The following SNTG1 variants were observed in gnomAD, a reference collection of about 807,000 sequenced individuals.
SNTG1 encodes syntrophin gamma 1.
SNTG1 carries 39 observed loss-of-function variants against 74.7 expected under a neutral mutation model. That is an observed-to-expected ratio of 0.52 (90% CI 0.40 to 0.68). The LOEUF (loss-of-function observed/expected upper bound fraction) is 0.68. Among genes scored for constraint, SNTG1 ranks in the 30% least tolerant of loss-of-function variants. The pLI, the probability that SNTG1 is intolerant of heterozygous loss-of-function variation, is 0.00. For synonymous variants in SNTG1, 254 were observed against 217.1 expected, an observed-to-expected ratio of 1.17 and a Z score of -1.49; for missense variants, 685 against 609.5, an observed-to-expected ratio of 1.12 and a Z score of -1.30.
intron 2 of SNTG1, among the ~76,000 whole-genome samples, chr8:50,346,692 C>A (rs2091487922): frequency 6.6e-6 from 1 of 152,256 alleles, no homozygotes; most frequent in South Asian, 2.1e-4. Flanking sequence ...ATTAAAAATA[C>A]TTCTCCAGTG....
intron 9 of SNTG1, 31 bp downstream of exon 9, chr8:50,502,911 C>T (rs371337787): frequency 4.9e-5 from 73 of 1,491,094 alleles, no homozygotes; most frequent in Admixed American, 1.0e-4. Flanking sequence ...GATAAAAGTG[C>T]TCACATCATT....
intron 1 of SNTG1, among the ~76,000 whole-genome samples, chr8:50,002,417 G>A (rs1473922172): frequency 6.6e-6 from 1 of 151,988 alleles, no homozygotes; most frequent in African/African-American, 2.4e-5. Context: ...AATATTGCCT[G>A]TTTTTCTGTG....
intron 1 of SNTG1, among the ~76,000 whole-genome samples, chr8:49,994,009 T>C (rs1391717061): frequency 6.6e-6 from 1 of 152,176 alleles, no homozygotes; most frequent in East Asian, 1.9e-4. Flanking sequence ...TTTAACCTTC[T>C]AGTCCCTCAG....
At chr8:50,571,194 C>T (rs1308024181) in intron 12 of SNTG1, among the ~76,000 whole-genome samples, 1 of 152,182 alleles carries the variant, frequency 6.6e-6, no homozygotes, top group Admixed American at 6.5e-5. Flanking sequence ...AACTATGACC[C>T]TGCACAGGGG....
At chr8:50,387,917 T>G in intron 2 of SNTG1, among the ~76,000 whole-genome samples, 1 of 152,248 alleles carries the variant, frequency 6.6e-6, no homozygotes, top group Admixed American at 6.5e-5. Flanking sequence ...TCAGCAGAAC[T>G]TAGGGGTTCA....
intron 12 of SNTG1, among the ~76,000 whole-genome samples, chr8:50,580,113 G>C (rs545327742): frequency 4.5e-4 from 69 of 152,374 alleles, no homozygotes; most frequent in African/African-American, 1.6e-3. Flanking sequence ...GCATGACTTG[G>C]ATGTGAGACA....
Position 50,062,823 on chromosome 8 carries a change from T to C in SNTG1, c.-102-109738T>C, listed in dbSNP as rs1003019667. Reference sequence around the variant, plus strand: ...TTCCAAATATTTTAAGCATTTCATATATTTTGTATTTTATTTCCATACATA... The same window carrying C: ...TTCCAAATATTTTAAGCATTTCATACATTTTGTATTTTATTTCCATACATA... On this transcript the variant is annotated intron_variant, in intron 1 of 18. Transcript: ENST00000642720. Among the ~76,000 whole-genome samples the C allele has an allele frequency of 4.6e-5, 7 of 152,386 alleles. No homozygotes were observed. In the East Asian group the frequency reaches 1.3e-3, roughly 29 times the overall value.
intron 2 of SNTG1, among the ~76,000 whole-genome samples, chr8:50,323,789 G>A (rs1205286604): frequency 6.6e-6 from 1 of 152,128 alleles, no homozygotes; most frequent in African/African-American, 2.4e-5. Context: ...TCTTCAGGGT[G>A]GCAAGATCCC....
intron 2 of SNTG1, among the ~76,000 whole-genome samples, chr8:50,193,337 T>C (rs1428653584): frequency 1.3e-5 from 2 of 152,158 alleles, no homozygotes; most frequent in Non-Finnish European, 2.9e-5. Context: ...AGCAGTGTTT[T>C]GTAGTTTTCC....
chr8:50,149,161 A>C (rs1180741689), intron 1 of SNTG1, among the ~76,000 whole-genome samples: 1 of 152,078 alleles, frequency 6.6e-6, no homozygotes, highest in Non-Finnish European at 1.5e-5. Flanking sequence ...GCATTTTTTC[A>C]TGTGTCTGTT....
upstream of SNTG1, chr8:49,910,995 T>C (rs961745899): frequency 2.6e-5 from 4 of 152,266 alleles, no homozygotes; most frequent in Admixed American, 6.5e-5. Context: ...CGCCGGATCC[T>C]CTGAGAGGCT....
At chr8:50,164,943 A>C (rs996851950) in intron 1 of SNTG1, among the ~76,000 whole-genome samples, 1 of 152,150 alleles carries the variant, frequency 6.6e-6, no homozygotes. Flanking sequence ...AGGTTTTTAA[A>C]TTTGCTTTCA....
intron 13 of SNTG1, among the ~76,000 whole-genome samples, chr8:50,627,809 C>T (rs1165510225): frequency 6.6e-6 from 1 of 152,200 alleles, no homozygotes; most frequent in African/African-American, 2.4e-5. Flanking sequence ...TCCATGTCTC[C>T]TTCAGGAACA....
chr8:50,685,321 C>A (rs1230406194), intron 15 of SNTG1, among the ~76,000 whole-genome samples: 2 of 152,120 alleles, frequency 1.3e-5, no homozygotes, highest in Non-Finnish European at 2.9e-5. Context: ...ATTTAAACTA[C>A]CAGTCCTCCA....
chr8:50,114,934 G>A (rs529315359), intron 1 of SNTG1, among the ~76,000 whole-genome samples: 8 of 152,170 alleles, frequency 5.3e-5, no homozygotes, highest in African/African-American at 1.7e-4. Context: ...GTAGCAATTA[G>A]TTTGATTGTG....
At chr8:50,678,258 C>T (rs187881234) in intron 15 of SNTG1, among the ~76,000 whole-genome samples, 40 of 152,048 alleles carry the variant, frequency 2.6e-4, no homozygotes, top group Admixed American at 2.6e-3. Context: ...CCTCCTGTTA[C>T]TTAACCTTTG....
chr8:50,331,721 G>A (rs943435468), intron 2 of SNTG1, among the ~76,000 whole-genome samples: 2 of 152,146 alleles, frequency 1.3e-5, no homozygotes, highest in Non-Finnish European at 2.9e-5. Context: ...TATAGAGAAG[G>A]ATACTGAATC....
At chr8:50,160,668 T>C (rs1330225639) in intron 1 of SNTG1, among the ~76,000 whole-genome samples, 1 of 152,118 alleles carries the variant, frequency 6.6e-6, no homozygotes, top group African/African-American at 2.4e-5. Flanking sequence ...ATTTCTGAAA[T>C]CTCCCTTAGA....
chr8:50,507,399 G>C (rs1387234234), intron 9 of SNTG1, among the ~76,000 whole-genome samples: 1 of 152,080 alleles, frequency 6.6e-6, no homozygotes, highest in Non-Finnish European at 1.5e-5. Context: ...AGAAAGATCA[G>C]TGCTAATTCC....
Sources: allele counts gnomAD v4.1 joint callset (sites outside exome capture counted in the v4.1 genomes callset), GRCh38; gene constraint gnomAD v4.1.1; transcripts MANE v1.5; gene names NCBI Gene and HGNC (gene_info 2026-07-23, HGNC 2026-07-21).